CCDC175: variants seen among roughly 807,000 people sequenced by gnomAD.
CCDC175 encodes coiled-coil domain-containing protein 175.
A neutral mutation model predicts 114.6 loss-of-function variants in CCDC175; 100 were observed. The observed-to-expected ratio is 0.87, with a 90% CI of 0.74 to 1.03. The LOEUF is 1.03. CCDC175 is among the 50% of genes least tolerant of loss of function. CCDC175 has a pLI of 0.00. For synonymous variants in CCDC175, 306 were observed against 308.7 expected, an observed-to-expected ratio of 0.99 and a Z score of 0.09; for missense variants, 880 against 917.8, an observed-to-expected ratio of 0.96 and a Z score of 0.53.
chr14:59,514,816 T>C lies in CCDC175; in HGVS notation c.2099-3013A>G, dbSNP rs535345299. Among the ~76,000 whole-genome samples the C allele has an allele frequency of 1.2e-3, 175 of 152,130 alleles. 2 individuals carry two copies. The highest frequency in any genetic ancestry group is 1.2e-3 in the Non-Finnish European group (85 of 68,002). On this transcript the variant is annotated intron_variant, in intron 17 of 19. Coordinates refer to ENST00000537690, the MANE Select transcript of CCDC175 (RefSeq NM_001164399.2). ...ATTCAAATTCAGGAAATACAGAGAA[T>C]GCCACAAAGATACTCCTCCAGAAGA...
intron 7 of CCDC175, among the ~76,000 whole-genome samples, chr14:59,556,400 C>G (rs1895905615): frequency 6.6e-6 from 1 of 152,184 alleles, no homozygotes; most frequent in African/African-American, 2.4e-5. Context: ...GGAAAACTGG[C>G]TAGCCTTATG....
intron 10 of CCDC175, 130 bp from the exon 11 acceptor site, chr14:59,540,876 C>T: frequency 1.3e-6 from 1 of 764,292 alleles, no homozygotes; most frequent in South Asian, 1.9e-5. Context: ...CCTTGTGAAA[C>T]AACTAAACAT....
intron 14 of CCDC175, among the ~76,000 whole-genome samples, chr14:59,530,390 A>G (rs1200049230): frequency 1.3e-5 from 2 of 150,480 alleles, no homozygotes; most frequent in Admixed American, 6.6e-5. Context: ...AAGAAAGCAA[A>G]AAAGAAAGAG....
At chr14:59,555,184 T>C (rs1439346340) in intron 7 of CCDC175, among the ~76,000 whole-genome samples, 4 of 152,062 alleles carry the variant, frequency 2.6e-5, no homozygotes, top group Non-Finnish European at 5.9e-5. Flanking sequence ...TAGACCAATA[T>C]CCCTGATGAA....
intron 4 of CCDC175, 119 bp from the exon 5 acceptor site, chr14:59,565,394 G>T (rs2140115591): frequency 1.2e-6 from 1 of 846,874 alleles, no homozygotes; most frequent in Non-Finnish European, 1.8e-6. Context: ...TTTTATGACT[G>T]TGTTTATGAT....
chr14:59,538,663 G>A, intron 12 of CCDC175, 42 bp downstream of exon 12: 5 of 1,438,318 alleles, frequency 3.5e-6, no homozygotes, highest in African/African-American at 1.4e-5. Flanking sequence ...TTGCTGATAT[G>A]CAATGTAGGG....
intron 8 of CCDC175, among the ~76,000 whole-genome samples, chr14:59,548,004 A>G (rs781175054): frequency 7.9e-5 from 12 of 152,206 alleles, no homozygotes; most frequent in Non-Finnish European, 1.6e-4. Context: ...CTGTACTTCT[A>G]TGTTCATTGC....
intron 8 of CCDC175, among the ~76,000 whole-genome samples, chr14:59,550,134 C>A (rs1269657218): frequency 6.6e-6 from 1 of 152,096 alleles, no homozygotes; most frequent in East Asian, 1.9e-4. Flanking sequence ...ATCTCAAACC[C>A]CTGACCCCAG....
intron 7 of CCDC175, among the ~76,000 whole-genome samples, chr14:59,559,174 G>T (rs1244601176): frequency 6.6e-6 from 1 of 152,092 alleles, no homozygotes; most frequent in African/African-American, 2.4e-5. Flanking sequence ...TATACTCTAG[G>T]CCACATATTG....
chr14:59,542,964 TG>T (rs1894878220), intron 10 of CCDC175, among the ~76,000 whole-genome samples: 1 of 152,204 alleles, frequency 6.6e-6, no homozygotes, highest in South Asian at 2.1e-4. Flanking sequence ...CTCTAAGTTA[TG>T]CATTTTATAT....
At chr14:59,521,734 C>A (rs1893439293) in intron 16 of CCDC175, 58 bp from the exon 17 acceptor site, 2 of 940,852 alleles carry the variant, frequency 2.1e-6, no homozygotes, top group Non-Finnish European at 3.3e-6. Context: ...GATAAATTAT[C>A]ATGTAGTCAT....
At chr14:59,534,957 C>T (rs146682818) in intron 13 of CCDC175, among the ~76,000 whole-genome samples, 26 of 152,230 alleles carry the variant, frequency 1.7e-4, no homozygotes, top group African/African-American at 5.3e-4. Context: ...GCTTTTCCTC[C>T]GTGTGACTTT....
At chr14:59,551,251 GAA>G in intron 8 of CCDC175, 102 bp downstream of exon 8, 1 of 596,964 alleles carries the variant, frequency 1.7e-6, no homozygotes, top group Non-Finnish European at 2.7e-6. Context: ...ATTGGTCAAT[GAA>G]AAACATCCTT....
chr14:59,540,233 C>T (rs1052567300), intron 11 of CCDC175, among the ~76,000 whole-genome samples: 1 of 152,136 alleles, frequency 6.6e-6, no homozygotes, highest in Non-Finnish European at 1.5e-5. Flanking sequence ...TATCCTTCCC[C>T]ACTTTATAGG....
intron 17 of CCDC175, among the ~76,000 whole-genome samples, chr14:59,514,416 GA>G (rs969466044): frequency 2.6e-5 from 4 of 151,900 alleles, no homozygotes; most frequent in East Asian, 1.9e-4. Flanking sequence ...TAAAAACCTT[GA>G]AAAAAAATTA....
chr14:59,561,215 T>C lies in CCDC175; in HGVS notation c.857A>G (p.His286Arg), dbSNP rs1227455473. 1 of 1,529,364 alleles carries C rather than the reference T, an allele frequency of 6.5e-7. No homozygotes were observed. The highest frequency in any genetic ancestry group is 8.8e-7 in the Non-Finnish European group (1 of 1,140,312). The allele number at this position is 1,529,364 out of a possible 1,614,324, so 94.7% of individuals were successfully genotyped here. The change falls in exon 7 of 20, where the codon CAC becomes CGC. Residue 286 changes from histidine (H) to arginine (R), a missense_variant. Transcript: ENST00000537690. The part of the protein sequence containing the change: ...VTVSAAVLSD[H>R]NLEIARLHES... ...GTGTAGTCGTGCTATCTCTAAATTG[T>C]GATCACTAAGAACCTATTAAAAATT...
At chr14:59,524,909 A>G (rs917622674) in intron 16 of CCDC175, among the ~76,000 whole-genome samples, 1 of 152,246 alleles carries the variant, frequency 6.6e-6, no homozygotes, top group African/African-American at 2.4e-5. Context: ...ACACTCAACA[A>G]TAAGGCTGAA....
rs780318495 is a variant in CCDC175, at chr14:59,531,825, T to C, written c.1709A>G (p.Gln570Arg). The change falls in exon 14 of 20, where the codon CAA becomes CGA. Residue 570 changes from glutamine (Q) to arginine (R), a missense_variant. Physicochemically the swap from Gln to Arg is conservative, Grantham distance 43. Transcript: ENST00000537690. The part of the protein sequence containing the change: ...EYLPQLQVAE[Q>R]EYKEKRRKLE... Reference sequence around the variant, plus strand: ...CTTTCTTCTTTTCTCTTTATACTCTTGTTCTGCCACCTGAAGTTGTGGAAG... The same window carrying C: ...CTTTCTTCTTTTCTCTTTATACTCTCGTTCTGCCACCTGAAGTTGTGGAAG... The C allele has an allele frequency of 4.0e-6, 6 of 1,494,062 alleles. No homozygotes were observed. The highest frequency in any genetic ancestry group is 5.4e-6 in the Non-Finnish European group (6 of 1,110,734). The allele number at this position is 1,494,062 out of a possible 1,614,324, so 92.6% of individuals were successfully genotyped here. A position where few individuals can be genotyped will look rare whatever the true frequency, so the allele number is the denominator to read the frequency against.
At chr14:59,533,980 C>A (rs1481477405) in intron 13 of CCDC175, among the ~76,000 whole-genome samples, 10 of 81,122 alleles carry the variant, frequency 1.2e-4, no homozygotes, top group Non-Finnish European at 2.1e-4. Flanking sequence ...CAGGGTGAGA[C>A]CCCTTTTAAA....
Sources: gnomAD v4.1 joint callset for allele counts (sites outside exome capture counted in the v4.1 genomes callset) on GRCh38, gnomAD v4.1.1 for gene constraint, MANE v1.5 for transcripts, NCBI Gene and HGNC (gene_info 2026-07-23, HGNC 2026-07-21) for gene names.